GSTA3: variants seen among roughly 807,000 people sequenced by gnomAD.
GSTA3 encodes glutathione S-transferase alpha 3, also known as glutathione S-transferase A3.
A neutral mutation model predicts 23.1 loss-of-function variants in GSTA3; 16 were observed. That is an observed-to-expected ratio of 0.69 (90% confidence interval 0.47 to 1.05). The LOEUF (loss-of-function observed/expected upper bound fraction) is 1.05. Ranked by LOEUF, GSTA3 falls within the 50% of genes least tolerant of loss-of-function variation. GSTA3 has a pLI of 0.00. For synonymous variants in GSTA3, 122 were observed against 91.0 expected (o/e 1.34, Z -1.94); for missense variants, 319 against 263.6 (o/e 1.21, Z -1.46).
Position 52,896,732 on chromosome 6 carries a change from TA to T in GSTA3, c.*73del. 6.4e-7 allele frequency: 1 copy of T among 1,551,534 alleles called. No homozygotes were observed. Among genetic ancestry groups the T allele is most frequent in the Non-Finnish European group, 8.8e-7 (1 of 1,130,028 alleles). ...CTTTACAACAGGCACAATCAACACT[TA>T]AGTAAAGCACTTCATTGTTGCAAAA... is the stretch of plus-strand genomic sequence containing the variant. On this transcript the variant is annotated 3_prime_UTR_variant, in exon 7 of 7. Coordinates refer to ENST00000211122, the MANE Select transcript of GSTA3 (RefSeq NM_000847.5).
intron 1 of GSTA3, among the ~76,000 whole-genome samples, chr6:52,908,620 C>T (rs1221701501): frequency 1.3e-5 from 2 of 152,156 alleles, no homozygotes; most frequent in Non-Finnish European, 2.9e-5. Context: ...ATTATCAAAG[C>T]AACCAAACTC....
chr6:52,899,574 G>A (rs1158471441), intron 5 of GSTA3, among the ~76,000 whole-genome samples: 3 of 152,172 alleles, frequency 2.0e-5, no homozygotes, highest in Non-Finnish European at 2.9e-5. Flanking sequence ...CTAATGGATC[G>A]CTTTCATCAT....
At position 52,905,795 on chromosome 6, in the gene GSTA3, C is replaced by A. The variant is rs751479126; in HGVS notation, c.40G>T (p.Gly14Cys). 4 of 1,611,058 alleles carry A rather than the reference C, an allele frequency of 2.5e-6. No individual in the cohort carries two copies. In the East Asian group the frequency reaches 8.9e-5, roughly 36 times the overall value. Reference sequence around the variant, plus strand: ...AGCCACCGGATGGGCTCCATTCTGCCCCGTCCATTGAAGTAGTGAAGCTTG... The same window carrying A: ...AGCCACCGGATGGGCTCCATTCTGCACCGTCCATTGAAGTAGTGAAGCTTG... The part of the protein sequence containing the change: ...KPKLHYFNGR[G>C]RMEPIRWLLA... Residue 14 changes from glycine (G) to cysteine (C), a missense_variant, in exon 2 of 7, where the codon GGC becomes TGC. By Grantham distance (159) the Gly-to-Cys change is radical. Transcript: ENST00000211122.
chr6:52,899,679 T>C (rs1170817027), intron 5 of GSTA3, among the ~76,000 whole-genome samples: 2 of 152,248 alleles, frequency 1.3e-5, no homozygotes, highest in South Asian at 4.1e-4. Context: ...CTTATGAACA[T>C]AAAATTGTTG....
chr6:52,908,238 A>G (rs1473154541), intron 1 of GSTA3, among the ~76,000 whole-genome samples: 1 of 151,330 alleles, frequency 6.6e-6, no homozygotes, highest in Non-Finnish European at 1.5e-5. Flanking sequence ...AAAACAAACT[A>G]GGGCTGGGCA....
At chr6:52,909,453 G>A (rs1168161905) in intron 1 of GSTA3, among the ~76,000 whole-genome samples, 188 bp downstream of exon 1, 1 of 152,082 alleles carries the variant, frequency 6.6e-6, no homozygotes, top group African/African-American at 2.4e-5. Context: ...TTTCTAAATT[G>A]TTGAATATTA....
intron 1 of GSTA3, among the ~76,000 whole-genome samples, chr6:52,907,541 C>T (rs1304213513): frequency 2.7e-5 from 4 of 148,778 alleles, no homozygotes; most frequent in South Asian, 4.3e-4. Flanking sequence ...TATTGTGGCA[C>T]TATTCACAAT....
At chr6:52,903,436 A>AG (rs1437755278) in intron 3 of GSTA3, among the ~76,000 whole-genome samples, 1 of 151,250 alleles carries the variant, frequency 6.6e-6, no homozygotes, top group Non-Finnish European at 1.5e-5. Context: ...AAATACAAAA[A>AG]AAAAAAAAAA....
rs1348412333 is a variant in GSTA3, at chr6:52,905,771, G to A, written c.64C>T (p.Leu22Phe). 1.2e-6 allele frequency: 2 copies of A among 1,607,490 alleles called. No homozygotes were observed. The highest frequency in any genetic ancestry group is 1.1e-5 in the South Asian group (1 of 90,712). Residue 22 changes from leucine to phenylalanine, a missense_variant, in exon 2 of 7, where the codon CTC (leucine) becomes TTC (phenylalanine). Leu to Phe is a conservative substitution (Grantham distance 22, BLOSUM62 0). Transcript: ENST00000211122. ...GRGRMEPIRW[L>F]LAAAGVEFEE... ...ACCTCCACTCCAGCTGCAGCCAAGA[G>A]CCACCGGATGGGCTCCATTCTGCCC... is the stretch of plus-strand genomic sequence containing the variant.
chr6:52,898,095 G>T, intron 5 of GSTA3, 139 bp from the exon 6 acceptor site: 1 of 953,896 alleles, frequency 1.0e-6, no homozygotes, highest in Non-Finnish European at 1.6e-6. Flanking sequence ...CTTTGTTTAT[G>T]TTCCCTGATT....
intron 2 of GSTA3, among the ~76,000 whole-genome samples, chr6:52,905,357 A>C (rs1255627034): frequency 6.6e-6 from 1 of 152,160 alleles, no homozygotes; most frequent in African/African-American, 2.4e-5. Context: ...CATACCTAAC[A>C]TCACAAAATG....
Position 52,899,972 on chromosome 6 carries a change from C to A in GSTA3, c.376G>T (p.Glu126Ter). 6.2e-7 allele frequency: 1 copy of A among 1,613,966 alleles called. No individual in the cohort carries two copies. The highest frequency in any genetic ancestry group is 8.5e-7 in the Non-Finnish European group (1 of 1,179,946). The change falls in exon 5 of 7, where the codon GAG becomes TAG. Residue 126 changes from glutamate (E) to a stop codon, truncating the protein, a stop_gained. Transcript: ENST00000211122. LOFTEE classifies it high-confidence loss of function. The part of the protein sequence containing the change: ...EKDAKIALIK[E>*]KTKSRYFPAF... ...GGGAAATAGCGACTTTTTGTTTTCT[C>A]TTTGATCAAGGCAATCTTGGCATCT...
chr6:52,909,289 C>T (rs1249218787), intron 1 of GSTA3, among the ~76,000 whole-genome samples: 2 of 152,156 alleles, frequency 1.3e-5, no homozygotes, highest in African/African-American at 4.8e-5. Flanking sequence ...CTGTGAATCA[C>T]AGGAATGAAT....
At chr6:52,902,741 G>A (rs750388886) in intron 3 of GSTA3, among the ~76,000 whole-genome samples, 4 of 152,042 alleles carry the variant, frequency 2.6e-5, no homozygotes, top group East Asian at 1.9e-4. Flanking sequence ...TTTTACTTGC[G>A]TTGATTTATC....
At chr6:52,903,277 C>T (rs575294786) in intron 3 of GSTA3, among the ~76,000 whole-genome samples, 3 of 152,028 alleles carry the variant, frequency 2.0e-5, no homozygotes, top group Non-Finnish European at 4.4e-5. Context: ...CACACATAGG[C>T]ATCGCCTGGT....
intron 6 of GSTA3, among the ~76,000 whole-genome samples, 198 bp from the exon 7 acceptor site, chr6:52,897,126 A>T: frequency 6.6e-6 from 1 of 152,222 alleles, no homozygotes; most frequent in Non-Finnish European, 1.5e-5. Context: ...TTCCGCAAAG[A>T]TGTCTTAAAG....
rs1765608204 is a variant in GSTA3 at position 52,899,938 on chromosome 6, T to A, written c.410A>T (p.Glu137Val). 1 of 1,614,076 alleles carries A rather than the reference T, an allele frequency of 6.2e-7. No homozygotes were observed. Among genetic ancestry groups the A allele is most frequent in the Middle Eastern group, 1.7e-4 (1 of 6,060 alleles). Residue 137 changes from glutamate (E) to valine (V), a missense_variant, in exon 5 of 7, where the codon GAA becomes GTA. Glu to Val is a moderately radical substitution (Grantham distance 121). Coordinates refer to ENST00000211122, the MANE Select transcript of GSTA3 (RefSeq NM_000847.5). ...ATGCTGAACAGCTTCACCTACTTTT[T>A]CGAAGGCAGGGAAATAGCGACTTTT... The part of the protein sequence containing the change: ...KTKSRYFPAF[E>V]KVLQSHGQDY...
chr6:52,898,493 A>C (rs992572051), intron 5 of GSTA3, among the ~76,000 whole-genome samples: 1 of 152,144 alleles, frequency 6.6e-6, no homozygotes, highest in African/African-American at 2.4e-5. Flanking sequence ...TAAAAACATA[A>C]AATTTTGTTG....
intron 4 of GSTA3, among the ~76,000 whole-genome samples, chr6:52,901,425 G>C (rs1384813509): frequency 6.6e-6 from 1 of 152,170 alleles, no homozygotes; most frequent in African/African-American, 2.4e-5. Context: ...TGTCTTTAAG[G>C]TTCAACTTTC....
Sources: allele counts gnomAD v4.1 joint callset (sites outside exome capture counted in the v4.1 genomes callset), GRCh38; gene constraint gnomAD v4.1.1; transcripts MANE v1.5; gene names NCBI Gene and HGNC (gene_info 2026-07-23, HGNC 2026-07-21).